Variants in CAMTA1 observed in about 807,000 individuals in gnomAD.
The protein encoded by CAMTA1 is calmodulin binding transcription activator 1, also known as calmodulin-binding transcription activator 1.
In CAMTA1, 27 loss-of-function variants were observed where a neutral mutation model predicts 170.9. That is an observed-to-expected ratio of 0.16 (90% CI 0.12 to 0.22). The LOEUF (loss-of-function observed/expected upper bound fraction) is 0.22. Ranked by LOEUF, CAMTA1 falls within the 10% of genes least tolerant of loss-of-function variation. The pLI, the probability that CAMTA1 is intolerant of heterozygous loss-of-function variation, is 1.00. For missense variants in CAMTA1, 1,619 were observed against 2,217.2 expected, an observed-to-expected ratio of 0.73 and a Z score of 5.42; for synonymous variants, 833 against 891.5, an observed-to-expected ratio of 0.93 and a Z score of 1.17.
At chr1:7,619,713 G>A (rs539484645) in intron 6 of CAMTA1, among the ~76,000 whole-genome samples, 9 of 151,122 alleles carry the variant, frequency 6.0e-5, no homozygotes, top group African/African-American at 9.7e-5. Context: ...GCAGTGGCAT[G>A]ATCTCAGCTC....
rs915357172 is a variant in CAMTA1, at chr1:7,738,847, A to C, written c.4182+365A>C. On this transcript the variant is annotated intron_variant, in intron 16 of 22. Coordinates refer to ENST00000303635, the MANE Select transcript of CAMTA1 (RefSeq NM_015215.4). The surrounding 1 kb of genome is among the most constrained non-coding windows in gnomAD (Gnocchi z 4.9). The stretch of plus-strand genomic sequence containing the variant: ...CTAGTTAGAATATAGTCAAGACCTA[A>C]AAATAGCTAGAACAGGAAGCCCGTG... Among the ~76,000 whole-genome samples the C allele has an allele frequency of 4.9e-5, 6 of 123,610 alleles. No homozygotes were observed. The highest frequency in any genetic ancestry group is 1.5e-4 in the African/African-American group (6 of 38,900). The allele number at this position is 123,610 out of a possible 152,430, so 81.1% of individuals were successfully genotyped here. A position where few individuals can be genotyped will look rare whatever the true frequency, so the allele number is the denominator to read the frequency against.
At position 7,173,461 on chromosome 1, in the gene CAMTA1, C is replaced by T. The variant is rs1203431712; in HGVS notation, c.303-76030C>T. 6.6e-6 allele frequency among the ~76,000 whole-genome samples: 1 copy of T among 152,090 alleles called. No homozygotes were observed. Among genetic ancestry groups the T allele is most frequent in the Non-Finnish European group, 1.5e-5 (1 of 68,020 alleles). ...GGAGTATAACAGTGTGATCTTGGCT[C>T]ACTGCAACCTCTGCCTCCAGGGTTC... On this transcript the variant is annotated intron_variant, in intron 4 of 22. Transcript: ENST00000303635. This position sits in a 1 kb window ranked among gnomAD's most constrained non-coding sequence, Gnocchi z 5.4.
At position 7,737,577 on chromosome 1, in the gene CAMTA1, AT is replaced by A. The variant is rs772941242; in HGVS notation, c.3658+9del. 1.9e-6 allele frequency: 3 copies of A among 1,594,846 alleles called. No homozygotes were observed. Among genetic ancestry groups the A allele is most frequent in the Non-Finnish European group, 2.6e-6 (3 of 1,169,022 alleles). On this transcript the variant is annotated splice_region_variant and intron_variant, in intron 15 of 22. Coordinates refer to ENST00000303635, the MANE Select transcript of CAMTA1 (RefSeq NM_015215.4). ...ATTGCAAGCACCAACCCAGGTAAGA[AT>A]TCAGAATCATGACATCTCAGAGCTT...
At chr1:7,727,257 G>C (rs1289527227) in intron 11 of CAMTA1, among the ~76,000 whole-genome samples, 1 of 151,906 alleles carries the variant, frequency 6.6e-6, no homozygotes, top group East Asian at 1.9e-4. Flanking sequence ...TGAGTAGCTG[G>C]AACTACAGGC....
intron 3 of CAMTA1, among the ~76,000 whole-genome samples, chr1:6,878,554 C>T (rs1670583674): frequency 6.6e-6 from 1 of 152,224 alleles, no homozygotes; most frequent in Non-Finnish European, 1.5e-5. Flanking sequence ...AGCCATGTCA[C>T]AGTGACCTTA....
At position 7,641,316 on chromosome 1, in the gene CAMTA1, G is replaced by T. The variant is rs570425814; in HGVS notation, c.664+763G>T. 7.9e-5 allele frequency among the ~76,000 whole-genome samples: 12 copies of T among 152,188 alleles called. No individual in the cohort carries two copies. Among genetic ancestry groups the T allele is most frequent in the African/African-American group, 2.4e-4 (10 of 41,456 alleles). On this transcript the variant is annotated intron_variant, in intron 7 of 22. Transcript: ENST00000303635. The surrounding 1 kb of genome is among the most constrained non-coding windows in gnomAD (Gnocchi z 4.5). ...TGGACACGTAGCCCACGGGGTTCAGGGACATTGATGGCCAGGGCTCAGGGC... is the reference window on the plus strand; with the variant it reads ...TGGACACGTAGCCCACGGGGTTCAGTGACATTGATGGCCAGGGCTCAGGGC...
At chr1:7,669,664 C>T (rs2096037897) in intron 9 of CAMTA1, among the ~76,000 whole-genome samples, 1 of 152,248 alleles carries the variant, frequency 6.6e-6, no homozygotes, top group Non-Finnish European at 1.5e-5. Context: ...TGCTCTCCGC[C>T]CTGACCTAGC....
intron 3 of CAMTA1, among the ~76,000 whole-genome samples, chr1:6,941,782 C>A (rs1190567659): frequency 1.3e-5 from 2 of 152,236 alleles, no homozygotes; most frequent in African/African-American, 2.4e-5. Context: ...ACAGGTGAGG[C>A]CTGCAGTTCT....
intron 6 of CAMTA1, among the ~76,000 whole-genome samples, chr1:7,490,743 G>A (rs1411588525): frequency 1.3e-5 from 2 of 152,124 alleles, no homozygotes; most frequent in Admixed American, 1.3e-4. Context: ...GTTACCTTTT[G>A]AGGTCTGTGC....
At chr1:7,518,021 C>T (rs919311591) in intron 6 of CAMTA1, among the ~76,000 whole-genome samples, 3 of 151,960 alleles carry the variant, frequency 2.0e-5, no homozygotes, top group African/African-American at 4.9e-5. Flanking sequence ...GGGCCAAGGG[C>T]TCAGAGAAGC....
Position 7,190,695 on chromosome 1 carries a change from C to G in CAMTA1, c.303-58796C>G, listed in dbSNP as rs1013492557. On this transcript the variant is annotated intron_variant, in intron 4 of 22. Transcript: ENST00000303635. ...AAAAAAACAAATATAGTAAGCCCAG[C>G]CTGCAAGTCATAAAACACAAATCCT... 5.9e-5 allele frequency among the ~76,000 whole-genome samples: 9 copies of G among 151,958 alleles called. No individual in the cohort carries two copies. The East Asian group carries it at 1.7e-3, about 29-fold the overall frequency.
rs534906370 is a variant in CAMTA1, at chr1:7,206,737, T to C, written c.303-42754T>C. On this transcript the variant is annotated intron_variant, in intron 4 of 22. Coordinates refer to ENST00000303635, the MANE Select transcript of CAMTA1 (RefSeq NM_015215.4). ...ATTCTGTTCTCACTCCTTTCTGTAATGTGGGAGCCTCTGTTGCTTCACATT... is the reference window on the plus strand; with the variant it reads ...ATTCTGTTCTCACTCCTTTCTGTAACGTGGGAGCCTCTGTTGCTTCACATT... 2.0e-5 allele frequency among the ~76,000 whole-genome samples: 3 copies of C among 152,386 alleles called. No individual in the cohort carries two copies. The South Asian group carries it at 6.2e-4, about 32-fold the overall frequency.
At chr1:7,169,178 T>G (rs556452289) in intron 4 of CAMTA1, among the ~76,000 whole-genome samples, 4 of 152,294 alleles carry the variant, frequency 2.6e-5, no homozygotes, top group Admixed American at 2.6e-4. Context: ...ATTACTGGAT[T>G]TGGTTTTCTA....
chr1:6,874,049 T>C (rs907749150), intron 3 of CAMTA1: 1 of 152,256 alleles, frequency 6.6e-6, no homozygotes, highest in Admixed American at 6.5e-5. Flanking sequence ...AGACATTTCA[T>C]CGATGCTACT....
chr1:7,138,079 G>T (rs1480378895), intron 4 of CAMTA1, among the ~76,000 whole-genome samples: 2 of 152,204 alleles, frequency 1.3e-5, no homozygotes, highest in African/African-American at 4.8e-5. Flanking sequence ...TTGACCTCCT[G>T]GGCACAAGTG....
intron 4 of CAMTA1, among the ~76,000 whole-genome samples, chr1:7,243,176 GC>G (rs1211166539): frequency 6.6e-6 from 1 of 152,140 alleles, no homozygotes; most frequent in Non-Finnish European, 1.5e-5. Flanking sequence ...GGTAACGCTA[GC>G]CCCTATGCCT....
At chr1:7,163,358 C>T (rs139196882) in intron 4 of CAMTA1, among the ~76,000 whole-genome samples, 1 of 151,262 alleles carries the variant, frequency 6.6e-6, no homozygotes, top group Non-Finnish European at 1.5e-5. Flanking sequence ...GTGGGTGGGT[C>T]ATCATATGGA....
intron 5 of CAMTA1, among the ~76,000 whole-genome samples, chr1:7,258,111 G>A (rs548061770): frequency 3.9e-5 from 6 of 152,294 alleles, no homozygotes; most frequent in East Asian, 3.9e-4. Flanking sequence ...ATCTGGTGCC[G>A]TTAGATGCTG....
At chr1:6,976,396 A>G (rs1693429020) in intron 3 of CAMTA1, among the ~76,000 whole-genome samples, 1 of 152,042 alleles carries the variant, frequency 6.6e-6, no homozygotes, top group South Asian at 2.1e-4. Context: ...GGAAGGGGAG[A>G]AATAGGCGTT....
Sources: gnomAD v4.1 joint callset for allele counts (sites outside exome capture counted in the v4.1 genomes callset) on GRCh38, gnomAD v4.1.1 for gene constraint, Gnocchi (gnomAD v3.1) non-coding constraint, MANE v1.5 for transcripts, NCBI Gene and HGNC (gene_info 2026-07-23, HGNC 2026-07-21) for gene names.